Variants in TPH2 observed in about 807,000 individuals in gnomAD.
TPH2 encodes the protein tryptophan 5-hydroxylase 2.
A neutral mutation model predicts 59.1 loss-of-function variants in TPH2; 27 were observed. That is an observed-to-expected ratio of 0.46 (90% confidence interval 0.34 to 0.63). TPH2 has a LOEUF of 0.63. Ranked by LOEUF, TPH2 falls within the 30% of genes least tolerant of loss-of-function variation. The pLI is 0.01. For missense variants in TPH2, 523 were observed against 588.3 expected (o/e 0.89, Z 1.15); for synonymous variants, 220 against 210.5 (o/e 1.05, Z -0.39).
chr12:72,012,987 G>T (rs982464098), intron 8 of TPH2, among the ~76,000 whole-genome samples: 2 of 152,118 alleles, frequency 1.3e-5, no homozygotes, highest in African/African-American at 4.8e-5. Context: ...CAACCCAAAA[G>T]ATATAGGAAA....
chr12:71,940,441 CAGA>C (rs778961699), intron 1 of TPH2, among the ~76,000 whole-genome samples: 2 of 152,212 alleles, frequency 1.3e-5, no homozygotes. Context: ...GTAGAGAAAT[CAGA>C]AGAAGACAAT....
intron 5 of TPH2, chr12:71,961,529 A>G: frequency 7.4e-7 from 1 of 1,351,516 alleles, no homozygotes; most frequent in Non-Finnish European, 9.8e-7. Flanking sequence ...GTGACTCTTC[A>G]TTCTTTGTGA....
intron 5 of TPH2, chr12:71,964,595 C>G (rs1021802857): frequency 3.0e-6 from 3 of 985,120 alleles, no homozygotes; most frequent in African/African-American, 1.7e-5. Flanking sequence ...CACCTGGATG[C>G]AGGTGATACT....
intron 7 of TPH2, among the ~76,000 whole-genome samples, chr12:71,980,320 A>G (rs1872240126): frequency 6.6e-6 from 1 of 152,060 alleles, no homozygotes; most frequent in Non-Finnish European, 1.5e-5. Flanking sequence ...ACTTGAATGC[A>G]CTTGTGGTTA....
Position 71,972,688 on chromosome 12 carries a change from C to T in TPH2, c.778C>T (p.Leu260Phe). ...CTACAGAGAGGACAATGTGCCTCAA[C>T]TCGAAGATGTCTCCATGTTTCTGAA... ...CGYREDNVPQ[L>F]EDVSMFLKER... The change falls in exon 6 of 11, where the codon CTC becomes TTC. Residue 260 changes from leucine to phenylalanine, a missense_variant. Coordinates refer to ENST00000333850, the MANE Select transcript of TPH2 (RefSeq NM_173353.4). The T allele has an allele frequency of 6.2e-7, 1 of 1,614,096 alleles. No individual in the cohort carries two copies. The highest frequency in any genetic ancestry group is 8.5e-7 in the Non-Finnish European group (1 of 1,180,032).
intron 6 of TPH2, among the ~76,000 whole-genome samples, chr12:71,975,783 C>G (rs149597508): frequency 6.6e-6 from 1 of 152,334 alleles, no homozygotes; most frequent in Non-Finnish European, 1.5e-5. Flanking sequence ...AGATTGAGAA[C>G]TACCGATCAG....
intron 8 of TPH2, among the ~76,000 whole-genome samples, chr12:72,021,285 A>G (rs1011424723): frequency 6.6e-6 from 1 of 152,024 alleles, no homozygotes; most frequent in African/African-American, 2.4e-5. Context: ...TAAACCCAAC[A>G]GAAGCAATTG....
chr12:71,982,029 T>TTTTTTTTTTTTTTTTTTTTTTTTTTTTC (rs1872297598), intron 7 of TPH2, among the ~76,000 whole-genome samples: 1 of 140,826 alleles, frequency 7.1e-6, no homozygotes, highest in African/African-American at 2.7e-5. Flanking sequence ...TTTTTTTTTT[T>TTTTTTTTTTTTTTTTTTTTTTTTTTTTC]TTTAGACAGA....
At chr12:71,964,990 A>C (rs10879347) in intron 5 of TPH2, 120,079 of 152,468 alleles carry the variant, frequency 0.79, 47,530 homozygotes, top group Non-Finnish European at 0.83. Flanking sequence ...CTTTGTGTTC[A>C]TAAGTTCTTA....
At chr12:71,981,233 T>C (rs1872268449) in intron 7 of TPH2, among the ~76,000 whole-genome samples, 1 of 152,214 alleles carries the variant, frequency 6.6e-6, no homozygotes, top group African/African-American at 2.4e-5. Context: ...TGTGCAAGGC[T>C]TGTTAGACCA....
rs1228088489 is a variant in TPH2, at chr12:71,994,466, T to C, written c.969T>C (p.His323=). ...EPDTCHELLG[H]VPLLADPKFA... Reference sequence around the variant, plus strand: ...ACACATGCCATGAACTCTTGGGACATGTTCCACTACTTGCGGATCCTAAGT... The same window carrying C: ...ACACATGCCATGAACTCTTGGGACACGTTCCACTACTTGCGGATCCTAAGT... Residue 323 remains histidine (H), a synonymous_variant, in exon 8 of 11, where the codon CAT becomes CAC. Coordinates refer to ENST00000333850, the MANE Select transcript of TPH2 (RefSeq NM_173353.4). The C allele has an allele frequency of 5.0e-6, 8 of 1,613,920 alleles. No individual in the cohort carries two copies. Among genetic ancestry groups the C allele is most frequent in the Non-Finnish European group, 6.8e-6 (8 of 1,179,890 alleles).
intron 1 of TPH2, among the ~76,000 whole-genome samples, chr12:71,941,036 T>G (rs552560763): frequency 6.6e-6 from 1 of 152,330 alleles, no homozygotes; most frequent in South Asian, 2.1e-4. Flanking sequence ...AGATTCACAT[T>G]GACAATGTGG....
intron 4 of TPH2, among the ~76,000 whole-genome samples, chr12:71,948,170 A>T (rs140516378): frequency 6.6e-6 from 1 of 151,594 alleles, no homozygotes; most frequent in Non-Finnish European, 1.5e-5. Flanking sequence ...TTATTTTATT[A>T]TTATTATTAT....
chr12:71,961,917 C>A, intron 5 of TPH2: 9 of 1,062,970 alleles, frequency 8.5e-6, no homozygotes, highest in Non-Finnish European at 1.0e-5. Context: ...ATTAACAACG[C>A]GAACAAAACA....
chr12:71,942,393 G>T (rs1871095435), intron 2 of TPH2, among the ~76,000 whole-genome samples: 1 of 152,100 alleles, frequency 6.6e-6, no homozygotes, highest in African/African-American at 2.4e-5. Flanking sequence ...TGTACCTAAT[G>T]GTTTCTGTAC....
At chr12:72,020,338 G>A (rs1467348845) in intron 8 of TPH2, among the ~76,000 whole-genome samples, 1 of 152,160 alleles carries the variant, frequency 6.6e-6, no homozygotes, top group Non-Finnish European at 1.5e-5. Flanking sequence ...AGTGTTGGGG[G>A]ATAGATGATA....
At chr12:72,017,241 A>G (rs1246587983) in intron 8 of TPH2, among the ~76,000 whole-genome samples, 1 of 152,130 alleles carries the variant, frequency 6.6e-6, no homozygotes, top group Non-Finnish European at 1.5e-5. Flanking sequence ...GTGTACTACC[A>G]GTAGTGATCT....
intron 5 of TPH2, among the ~76,000 whole-genome samples, chr12:71,971,039 G>A (rs1211002742): frequency 6.6e-6 from 1 of 152,202 alleles, no homozygotes; most frequent in African/African-American, 2.4e-5. Context: ...AATATGTAGA[G>A]GGTTGGGGAG....
At chr12:72,013,579 A>G (rs1873156928) in intron 8 of TPH2, among the ~76,000 whole-genome samples, 1 of 152,196 alleles carries the variant, frequency 6.6e-6, no homozygotes, top group African/African-American at 2.4e-5. Flanking sequence ...CAAGCTTCAT[A>G]TTATTCACAT....
Sources: allele counts gnomAD v4.1 joint callset (sites outside exome capture counted in the v4.1 genomes callset), GRCh38; gene constraint gnomAD v4.1.1; transcripts MANE v1.5; gene names NCBI Gene and HGNC (gene_info 2026-07-23, HGNC 2026-07-21).